SCAPER: variants seen among roughly 807,000 people sequenced by gnomAD.
SCAPER encodes S phase cyclin A-associated protein in the endoplasmic reticulum.
Under a neutral mutation model 182.2 loss-of-function variants are expected in SCAPER, and 98 were observed. The ratio of observed to expected loss-of-function variants is 0.54; its 90% CI spans 0.46 to 0.64. The LOEUF (loss-of-function observed/expected upper bound fraction) is 0.64, where lower values mean the gene tolerates loss of function less well. Ranked by LOEUF, SCAPER falls within the 30% of genes least tolerant of loss-of-function variation. SCAPER has a pLI of 0.00. For missense variants in SCAPER, 1,432 were observed against 1,690.0 expected (o/e 0.85, Z 2.68); for synonymous variants, 605 against 564.6 (o/e 1.07, Z -1.01).
At chr15:76,541,093 C>T (rs1447333028) in intron 23 of SCAPER, among the ~76,000 whole-genome samples, 2 of 151,282 alleles carry the variant, frequency 1.3e-5, no homozygotes, top group Admixed American at 1.3e-4. Context: ...GCATTCCAGC[C>T]TGAATGACAG....
chr15:76,692,292 G>A (rs2058404137), intron 20 of SCAPER, among the ~76,000 whole-genome samples: 1 of 152,144 alleles, frequency 6.6e-6, no homozygotes, highest in African/African-American at 2.4e-5. Context: ...AATGGAAATC[G>A]TTTGTATCAA....
At chr15:76,662,347 AAAAAT>A (rs1201543592) in intron 21 of SCAPER, among the ~76,000 whole-genome samples, 2 of 152,182 alleles carry the variant, frequency 1.3e-5, no homozygotes, top group Admixed American at 6.5e-5. Context: ...AAAATAAAAT[AAAAAT>A]AAAATAAAAT....
chr15:76,471,256 T>G lies in SCAPER; in HGVS notation c.3034A>C (p.Asn1012His). ...SENCSDVLFS[N>H]KITFLMDLLI... is the part of the protein sequence containing the mutation. ...AGGTCCATTAAGAAGGTAATCTTGT[T>G]ACTAAACAGAACATCACTGCAGTTT... Residue 1012 changes from asparagine to histidine, a missense_variant, in exon 25 of 32, where the codon AAC (asparagine) becomes CAC (histidine). By Grantham distance (68) the Asn-to-His change is moderately conservative (BLOSUM62 1). Transcript: ENST00000563290. 1.9e-6 allele frequency: 3 copies of G among 1,612,654 alleles called. No homozygotes were observed. Among genetic ancestry groups the G allele is most frequent in the Non-Finnish European group, 2.5e-6 (3 of 1,179,202 alleles).
At position 76,693,050 on chromosome 15, in the gene SCAPER, G is replaced by A. The variant is rs764477562; in HGVS notation, c.2508+8708C>T. 2.0e-5 allele frequency among the ~76,000 whole-genome samples: 3 copies of A among 152,026 alleles called. No individual in the cohort carries two copies. The East Asian group carries it at 5.8e-4, about 29-fold the overall frequency. On this transcript the variant is annotated intron_variant, in intron 20 of 31. Transcript: ENST00000563290. Reference sequence around the variant, plus strand: ...CAGTATGATAGATTTATCTCTTCTTGTTGCTCTGTCAATTTTTGCTACATT... The same window carrying A: ...CAGTATGATAGATTTATCTCTTCTTATTGCTCTGTCAATTTTTGCTACATT...
intron 26 of SCAPER, among the ~76,000 whole-genome samples, chr15:76,407,129 G>A (rs772402571): frequency 3.9e-5 from 6 of 152,150 alleles, no homozygotes; most frequent in African/African-American, 7.2e-5. Context: ...TCTGAGAACT[G>A]CATCATTAGG....
chr15:76,589,163 C>A (rs2048918058), intron 22 of SCAPER, among the ~76,000 whole-genome samples: 1 of 152,076 alleles, frequency 6.6e-6, no homozygotes, highest in South Asian at 2.1e-4. Context: ...TAGTTGCAGT[C>A]GTTTAATACA....
intron 5 of SCAPER, 61 bp from the exon 6 acceptor site, chr15:76,804,694 A>T: frequency 9.4e-7 from 1 of 1,066,160 alleles, no homozygotes; most frequent in South Asian, 1.5e-5. Context: ...CTTTGAAGAA[A>T]AAAAAGAGTG....
intron 26 of SCAPER, among the ~76,000 whole-genome samples, chr15:76,421,399 G>T (rs893467346): frequency 1.3e-3 from 194 of 152,158 alleles, no homozygotes; most frequent in African/African-American, 4.6e-3. Context: ...TCATGTGTCT[G>T]TTGGCAGCAT....
chr15:76,665,968 T>G (rs2056542281), intron 20 of SCAPER, among the ~76,000 whole-genome samples, 179 bp from the exon 21 acceptor site: 2 of 152,204 alleles, frequency 1.3e-5, no homozygotes. Context: ...TTAAGGATTT[T>G]ACATCACTGA....
intron 2 of SCAPER, among the ~76,000 whole-genome samples, chr15:76,876,880 G>C (rs2073203653): frequency 6.6e-6 from 1 of 152,128 alleles, no homozygotes; most frequent in Non-Finnish European, 1.5e-5. Flanking sequence ...ATTACGAGCT[G>C]AACCTACAGC....
At chr15:76,467,190 A>G (rs916966271) in intron 25 of SCAPER, among the ~76,000 whole-genome samples, 3 of 152,150 alleles carry the variant, frequency 2.0e-5, no homozygotes, top group African/African-American at 4.8e-5. Context: ...CTCTTTCTTT[A>G]TAAATTACCC....
chr15:76,423,241 T>C (rs1313215002), intron 26 of SCAPER, among the ~76,000 whole-genome samples: 1 of 152,218 alleles, frequency 6.6e-6, no homozygotes, highest in Non-Finnish European at 1.5e-5. Flanking sequence ...TGTGAATCCA[T>C]CTGGTCCTGG....
intron 20 of SCAPER, among the ~76,000 whole-genome samples, chr15:76,692,806 A>T (rs536684459): frequency 6.6e-6 from 1 of 152,044 alleles, no homozygotes; most frequent in African/African-American, 2.4e-5. Flanking sequence ...GGAAAAAAAA[A>T]GTCAAATAAT....
At chr15:76,834,357 A>C (rs2068752674) in intron 5 of SCAPER, among the ~76,000 whole-genome samples, 1 of 152,224 alleles carries the variant, frequency 6.6e-6, no homozygotes, top group Non-Finnish European at 1.5e-5. Flanking sequence ...CAATAGTAAG[A>C]GGAAAGTTTA....
chr15:76,355,808 C>T (rs897835201), intron 29 of SCAPER, among the ~76,000 whole-genome samples: 4 of 152,196 alleles, frequency 2.6e-5, no homozygotes, highest in African/African-American at 9.6e-5. Context: ...CCTGTTGGTT[C>T]CCTCAAGGAA....
At chr15:76,833,404 T>A (rs913814937) in intron 5 of SCAPER, among the ~76,000 whole-genome samples, 3 of 151,902 alleles carry the variant, frequency 2.0e-5, no homozygotes, top group African/African-American at 7.3e-5. Flanking sequence ...GAAAAAACAA[T>A]AAGTGCCACC....
intron 22 of SCAPER, among the ~76,000 whole-genome samples, chr15:76,576,092 T>TGG (rs1341800698): frequency 6.6e-6 from 1 of 152,234 alleles, no homozygotes; most frequent in Non-Finnish European, 1.5e-5. Context: ...CCAAGGATGG[T>TGG]GGTTCATGCT....
At chr15:76,376,895 T>C (rs895605028) in intron 28 of SCAPER, among the ~76,000 whole-genome samples, 8 of 152,164 alleles carry the variant, frequency 5.3e-5, no homozygotes, top group Admixed American at 2.6e-4. Flanking sequence ...CCCTCAGCTA[T>C]GGGACTTCTG....
intron 26 of SCAPER, among the ~76,000 whole-genome samples, chr15:76,425,445 G>A (rs576798543): frequency 6.6e-6 from 1 of 152,216 alleles, no homozygotes; most frequent in Admixed American, 6.5e-5. Context: ...CATAGTTCTC[G>A]TGCCACGGTT....
Sources: gnomAD v4.1 joint callset for allele counts (sites outside exome capture counted in the v4.1 genomes callset) on GRCh38, gnomAD v4.1.1 for gene constraint, MANE v1.5 for transcripts, NCBI Gene and HGNC (gene_info 2026-07-23, HGNC 2026-07-21) for gene names.